Variants in RBM26 observed in about 807,000 individuals in gnomAD.
RBM26 encodes RNA binding motif protein 26, also known as RNA-binding protein 26.
In RBM26, 30 loss-of-function variants were observed where a neutral mutation model predicts 123.6. The observed-to-expected ratio is 0.24, with a 90% CI of 0.18 to 0.33. RBM26 has a LOEUF of 0.33. RBM26 is among the 10% of genes least tolerant of loss of function. The probability of loss-of-function intolerance (pLI) is 1.00; values close to 1 mark genes in which losing one functional copy is unlikely to be tolerated. For missense variants in RBM26, 947 were observed against 1,203.6 expected (o/e 0.79, Z 3.15); for synonymous variants, 400 against 404.4 (o/e 0.99, Z 0.13).
At chr13:79,392,630 C>G (rs2078196933) in intron 1 of RBM26, among the ~76,000 whole-genome samples, 1 of 147,088 alleles carries the variant, frequency 6.8e-6, no homozygotes, top group Admixed American at 6.8e-5. Flanking sequence ...ATTTTTCAAC[C>G]TAACTTTTAT....
At chr13:79,378,762 G>A in intron 2 of RBM26, 27 bp downstream of exon 2, 1 of 1,343,768 alleles carries the variant, frequency 7.4e-7, no homozygotes, top group African/African-American at 1.5e-5. Context: ...TTAAAATATA[G>A]TAGTATTTTT....
At chr13:79,383,321 T>G (rs986302992) in intron 1 of RBM26, among the ~76,000 whole-genome samples, 1 of 152,210 alleles carries the variant, frequency 6.6e-6, no homozygotes, top group Non-Finnish European at 1.5e-5. Flanking sequence ...TCTGTTCAAT[T>G]ACTGATCTAC....
chr13:79,339,985 A>C (rs2071089365), intron 18 of RBM26, among the ~76,000 whole-genome samples: 1 of 152,132 alleles, frequency 6.6e-6, no homozygotes, highest in Non-Finnish European at 1.5e-5. Flanking sequence ...ATGTTATAAT[A>C]AAAAAGCAAA....
chr13:79,346,936 G>A (rs868693583), intron 14 of RBM26, among the ~76,000 whole-genome samples: 1 of 152,176 alleles, frequency 6.6e-6, no homozygotes, highest in Non-Finnish European at 1.5e-5. Flanking sequence ...TTATTTAAGT[G>A]TGAAACAATG....
At chr13:79,317,010 TG>T (rs2067210732), downstream of RBM26, among the ~76,000 whole-genome samples, 3 of 151,710 alleles carry the variant, frequency 2.0e-5, no homozygotes, top group Non-Finnish European at 4.4e-5. Flanking sequence ...TAAACTGAGA[TG>T]GAAAGGACAA....
chr13:79,389,810 C>CT (rs756648250), intron 1 of RBM26, among the ~76,000 whole-genome samples: 12 of 152,058 alleles, frequency 7.9e-5, no homozygotes, highest in Non-Finnish European at 2.9e-5. Context: ...AGAAAATAAG[C>CT]TTTTTTCCCC....
chr13:79,354,618 T>G, intron 12 of RBM26, 48 bp from the exon 13 acceptor site: 1 of 1,504,558 alleles, frequency 6.6e-7, no homozygotes, highest in South Asian at 1.3e-5. Flanking sequence ...TTCAAAAGGA[T>G]GGAAAGTGAC....
chr13:79,402,159 CTCA>C (rs1287368155), intron 1 of RBM26, among the ~76,000 whole-genome samples: 4 of 151,280 alleles, frequency 2.6e-5, no homozygotes, highest in African/African-American at 9.7e-5. Context: ...TTCAGGACTT[CTCA>C]TCATCAAAAC....
chr13:79,398,659 A>G (rs1475326997), intron 1 of RBM26, among the ~76,000 whole-genome samples: 1 of 152,228 alleles, frequency 6.6e-6, no homozygotes, highest in African/African-American at 2.4e-5. Flanking sequence ...ATTCAATAAT[A>G]CTTTAACAAG....
chr13:79,358,382 A>C lies in RBM26; in HGVS notation c.1581T>G (p.Phe527Leu). Residue 527 changes from phenylalanine to leucine, a missense_variant, in exon 11 of 22, where the codon TTT becomes TTG. By Grantham distance (22) the Phe-to-Leu change is conservative. Coordinates refer to ENST00000438737, the MANE Select transcript of RBM26 (RefSeq NM_001366735.2). ...GTTCAAGCTTGGTATTTTCATTTCC[A>C]AATTGAACCTTCTTCTGAAAGCCTG... ...NSPGFQKKVQFGNENTKLELR... is the reference protein window; with the variant it reads ...NSPGFQKKVQLGNENTKLELR... 1 of 1,611,694 alleles carries C rather than the reference A, an allele frequency of 6.2e-7. No individual in the cohort carries two copies.
chr13:79,403,089 GC>G (rs2079189820), intron 1 of RBM26, among the ~76,000 whole-genome samples: 1 of 138,046 alleles, frequency 7.2e-6, no homozygotes. Flanking sequence ...CAATGTTAAA[GC>G]AAAAAAAAAA....
intron 1 of RBM26, among the ~76,000 whole-genome samples, chr13:79,396,305 A>C (rs2140475143): frequency 6.6e-6 from 1 of 152,316 alleles, no homozygotes; most frequent in East Asian, 1.9e-4. Context: ...AAAACACTGA[A>C]ATAGAAAATA....
chr13:79,349,441 GAAAC>G (rs2072859652), intron 14 of RBM26, among the ~76,000 whole-genome samples: 1 of 151,782 alleles, frequency 6.6e-6, no homozygotes, highest in Admixed American at 6.6e-5. Flanking sequence ...GGGATTAAAA[GAAAC>G]AAAGATTAAA....
chr13:79,365,948 T>C (rs1275474653), intron 8 of RBM26, 107 bp downstream of exon 8: 1 of 1,155,148 alleles, frequency 8.7e-7, no homozygotes, highest in Non-Finnish European at 1.2e-6. Context: ...GGCTACATAA[T>C]TTTAGTGAGA....
chr13:79,341,071 A>C, intron 18 of RBM26, 52 bp downstream of exon 18: 2 of 1,039,894 alleles, frequency 1.9e-6, no homozygotes, highest in Middle Eastern at 4.1e-4. Context: ...ATTGACCACT[A>C]CAACTACATT....
intron 9 of RBM26, among the ~76,000 whole-genome samples, chr13:79,360,660 T>C (rs1005245227): frequency 6.6e-6 from 1 of 151,980 alleles, no homozygotes; most frequent in Non-Finnish European, 1.5e-5. Flanking sequence ...TGCTTTTAAA[T>C]ATGGAATAGA....
intron 1 of RBM26, among the ~76,000 whole-genome samples, chr13:79,379,649 AAG>A (rs1044898269): frequency 1.9e-4 from 29 of 152,028 alleles, no homozygotes; most frequent in Admixed American, 3.3e-4. Context: ...TGGAGTAAGG[AAG>A]ACACAAAATC....
chr13:79,327,326 C>A (rs966725149), intron 20 of RBM26, among the ~76,000 whole-genome samples: 1 of 149,946 alleles, frequency 6.7e-6, no homozygotes, highest in Non-Finnish European at 1.5e-5. Context: ...CATTTCTGAT[C>A]AAAAATCTTA....
At chr13:79,344,149 C>T (rs558997326) in intron 16 of RBM26, 99 bp downstream of exon 16, 1 of 799,340 alleles carries the variant, frequency 1.3e-6, no homozygotes, top group African/African-American at 1.7e-5. Context: ...TTACCATTAC[C>T]AATTATAGTA....
Sources: gnomAD v4.1 joint callset for allele counts (sites outside exome capture counted in the v4.1 genomes callset) on GRCh38, gnomAD v4.1.1 for gene constraint, MANE v1.5 for transcripts, NCBI Gene and HGNC (gene_info 2026-07-23, HGNC 2026-07-21) for gene names.